ZRSR2: variants seen among roughly 807,000 people sequenced by gnomAD.
ZRSR2 encodes zinc finger CCCH-type, RNA binding motif and serine/arginine rich 2.
Under a neutral mutation model 39.4 loss-of-function variants are expected in ZRSR2, and 3 were observed. The observed-to-expected ratio is 0.08, with a 90% CI of 0.03 to 0.20. The LOEUF is 0.20. Ranked by LOEUF, ZRSR2 falls within the 10% of genes least tolerant of loss-of-function variation. The pLI, the probability that ZRSR2 is intolerant of heterozygous loss-of-function variation, is 1.00. For missense variants in ZRSR2, 256 were observed against 391.5 expected, an observed-to-expected ratio of 0.65 and a Z score of 2.92; for synonymous variants, 137 against 136.0, an observed-to-expected ratio of 1.01 and a Z score of -0.05.
chrX:15,797,419 A>T (rs1281402268), intron 2 of ZRSR2, among the ~76,000 whole-genome samples: 1 of 110,100 alleles, frequency 9.1e-6, no homozygotes, highest in East Asian at 2.8e-4. Flanking sequence ...CATGTTGGCC[A>T]GGCTGGTCTC....
At chrX:15,801,193 C>T in intron 3 of ZRSR2, 1 of 139,133 alleles carries the variant, frequency 7.2e-6, no homozygotes, top group Non-Finnish European at 1.4e-5. Context: ...AGTCTCACAC[C>T]TTTCTCTTTT....
At chrX:15,799,733 C>T in intron 2 of ZRSR2, 139 bp from the exon 3 acceptor site, 6 of 402,781 alleles carry the variant, frequency 1.5e-5, no homozygotes, top group Non-Finnish European at 2.6e-5. Flanking sequence ...GAAGGTTGAT[C>T]AGAGACCTTT....
chrX:15,823,230 C>G lies in ZRSR2; in HGVS notation c.1437C>G (p.Pro479=), dbSNP rs1422167482. Residue 479 remains proline (P), a synonymous_variant, in exon 11 of 11, where the codon CCC becomes CCG. Coordinates refer to ENST00000307771, the MANE Select transcript of ZRSR2 (RefSeq NM_005089.4). ...ATAGAGACAGAACTGTTCAGAGTCCCAAATCCAAATAAACTAGTTTTGTTC... is the reference window on the plus strand; with the variant it reads ...ATAGAGACAGAACTGTTCAGAGTCCGAAATCCAAATAAACTAGTTTTGTTC... ...SGNRDRTVQS[P]KSK 2.6e-6 allele frequency: 3 copies of G among 1,151,468 alleles called. No individual in the cohort carries two copies. The African/African-American group carries it at 5.4e-5, about 21-fold the overall frequency. 94.9% of individuals were successfully genotyped at this position (1,151,468 alleles called of 1,213,427 possible). A position where few individuals can be genotyped will look rare whatever the true frequency, so the allele number is the denominator to read the frequency against.
intron 9 of ZRSR2, 150 bp downstream of exon 9, chrX:15,818,792 C>T (rs1601827299): frequency 8.1e-6 from 4 of 490,887 alleles, no homozygotes; most frequent in East Asian, 4.3e-5. Flanking sequence ...TCTTTTGAGA[C>T]GGAGTTTCGC....
intron 5 of ZRSR2, among the ~76,000 whole-genome samples, chrX:15,804,411 AC>A (rs1271806508): frequency 2.7e-5 from 3 of 111,300 alleles, no homozygotes; most frequent in Non-Finnish European, 5.7e-5. Flanking sequence ...CTTCAGCTTT[AC>A]CCTATTTACC....
intron 9 of ZRSR2, among the ~76,000 whole-genome samples, chrX:15,819,383 G>A (rs923892252): frequency 9.1e-6 from 1 of 109,853 alleles, no homozygotes; most frequent in African/African-American, 3.3e-5. Flanking sequence ...TGAGACAGGA[G>A]AATCGCTTCA....
In ZRSR2 at chrX:15,818,720, C is replaced by G. The variant is rs759385218; in HGVS notation, c.827+78C>G. The G allele has an allele frequency of 2.1e-5, 16 of 760,363 alleles. No homozygotes were observed. In the South Asian group the frequency reaches 3.8e-4, roughly 18 times the overall value. The allele number at this position is 760,363 out of a possible 1,213,427, so 62.7% of individuals were successfully genotyped here. A position where few individuals can be genotyped will look rare whatever the true frequency, so the allele number is the denominator to read the frequency against. ...GTTTCTGTTGATGTCTGGGATTTTT[C>G]CACTGGATATATAACTTTCATGTAT... On this transcript the variant is annotated intron_variant, in intron 9 of 10. Coordinates refer to ENST00000307771, the MANE Select transcript of ZRSR2 (RefSeq NM_005089.4).
In ZRSR2 at chrX:15,822,925, C is replaced by A; in HGVS notation, c.1132C>A (p.Arg378=). 1 of 1,211,916 alleles carries A rather than the reference C, an allele frequency of 8.3e-7. No homozygotes were observed. Among genetic ancestry groups the A allele is most frequent in the African/African-American group, 1.7e-5 (1 of 57,825 alleles). Residue 378 remains arginine (R), a synonymous_variant, in exon 11 of 11, where the codon CGG becomes AGG. Transcript: ENST00000307771. The part of the protein sequence containing the change: ...GHHDDYYSRL[R]GRRNPSPDHS... ...CCACGACGACTACTACAGCAGGCTG[C>A]GGGGAAGGAGAAACCCTAGTCCAGA...
chrX:15,808,119 CTTGTGTGCG>C, intron 5 of ZRSR2, 105 bp from the exon 6 acceptor site: 1 of 635,599 alleles, frequency 1.6e-6, no homozygotes, highest in Admixed American at 2.6e-5. Flanking sequence ...AAAACTAGAA[CTTGTGTGCG>C]TGTGTGTGTT....
At chrX:15,807,900 C>T (rs1601818096) in intron 5 of ZRSR2, among the ~76,000 whole-genome samples, 1 of 109,129 alleles carries the variant, frequency 9.2e-6, no homozygotes, top group African/African-American at 3.3e-5. Context: ...GTTATCCAGG[C>T]GTGGTGGTGT....
rs61741683 is a variant in ZRSR2 at position 15,820,237 on chromosome X, G to C, written c.858G>C (p.Leu286=). The C allele has an allele frequency of 2.6e-4, 314 of 1,209,921 alleles. 2 individuals carry two copies. In the African/African-American group the frequency reaches 4.6e-3, roughly 18 times the overall value. The part of the protein sequence containing the change: ...SEEECQAALS[L]FNGRWYAGRQ... ...AAGAATGCCAAGCAGCCCTTTCTCT[G>C]TTTAACGGACGATGGTATGCAGGAC... Residue 286 remains leucine, a synonymous_variant, in exon 10 of 11, where the codon CTG becomes CTC. Transcript: ENST00000307771.
intron 10 of ZRSR2, among the ~76,000 whole-genome samples, 161 bp from the exon 11 acceptor site, chrX:15,822,568 AAC>A (rs1933135234): frequency 8.9e-6 from 1 of 112,736 alleles, no homozygotes; most frequent in African/African-American, 3.2e-5. Flanking sequence ...AAATCGTGGG[AAC>A]CAAATTATGA....
chrX:15,821,998 C>CT (rs1003168389), intron 10 of ZRSR2, among the ~76,000 whole-genome samples: 27 of 105,792 alleles, frequency 2.6e-4, no homozygotes, highest in South Asian at 1.3e-3. Context: ...TAGGCCTTCT[C>CT]TTTTTTTTTT....
intron 3 of ZRSR2, among the ~76,000 whole-genome samples, chrX:15,802,239 A>G (rs960309668): frequency 1.8e-5 from 2 of 112,525 alleles, no homozygotes; most frequent in Non-Finnish European, 3.7e-5. Flanking sequence ...CTGAAGTAAT[A>G]TAGAACAGTT....
At chrX:15,795,573 G>A (rs1932426781) in intron 2 of ZRSR2, among the ~76,000 whole-genome samples, 2 of 111,785 alleles carry the variant, frequency 1.8e-5, no homozygotes, top group Admixed American at 1.9e-4. Flanking sequence ...CAGAAAAAAG[G>A]ATTTCCATTG....
intron 7 of ZRSR2, among the ~76,000 whole-genome samples, chrX:15,812,396 T>C (rs1312407009): frequency 8.9e-6 from 1 of 112,403 alleles, no homozygotes; most frequent in Non-Finnish European, 1.9e-5. Flanking sequence ...ACAAGTAGAC[T>C]GCTCTGTTCC....
At position 15,809,200 on chromosome X, in the gene ZRSR2, T is replaced by C. The variant is rs41309565; in HGVS notation, c.439T>C (p.Leu147=). The part of the protein sequence containing the change: ...QKMLDQAENE[L]ENGTTWQNPE... The stretch of plus-strand genomic sequence containing the variant: ...GTAAAGTCATGGTTATTTTCAACAG[T>C]TGGAAAATGGTACCACATGGCAAAA... The change falls in exon 7 of 11, where the codon TTG becomes CTG. Residue 147 remains leucine (L), a splice_region_variant and synonymous_variant. Coordinates refer to ENST00000307771, the MANE Select transcript of ZRSR2 (RefSeq NM_005089.4). 3.8e-5 allele frequency: 45 copies of C among 1,193,471 alleles called. No homozygotes were observed. Among genetic ancestry groups the C allele is most frequent in the East Asian group, 3.3e-4 (11 of 33,737 alleles).
At chrX:15,804,340 C>T in intron 5 of ZRSR2, 143 bp downstream of exon 5, 1 of 927,551 alleles carries the variant, frequency 1.1e-6, no homozygotes. Flanking sequence ...AGACATAACA[C>T]CAGAGTTCCC....
chrX:15,794,820 T>G (rs1256573503), intron 2 of ZRSR2, among the ~76,000 whole-genome samples: 1 of 112,472 alleles, frequency 8.9e-6, no homozygotes, highest in African/African-American at 3.2e-5. Flanking sequence ...CCACTTGCTT[T>G]AGTTTAAATG....
Sources: allele counts gnomAD v4.1 joint callset (sites outside exome capture counted in the v4.1 genomes callset), GRCh38; gene constraint gnomAD v4.1.1; transcripts MANE v1.5; gene names NCBI Gene and HGNC (gene_info 2026-07-23, HGNC 2026-07-21).